WIPF3: variants seen among roughly 807,000 people sequenced by gnomAD.
WIPF3 encodes WAS/WASL-interacting protein family member 3.
WIPF3 carries 33 observed loss-of-function variants against 38.9 expected under a neutral mutation model. The ratio of observed to expected loss-of-function variants is 0.85; its 90% CI spans 0.64 to 1.14. The LOEUF (loss-of-function observed/expected upper bound fraction) is 1.14. WIPF3 is among the 50% of genes most tolerant of loss of function. The pLI, the probability that WIPF3 is intolerant of heterozygous loss-of-function variation, is 0.00. For synonymous variants in WIPF3, 324 were observed against 269.3 expected (o/e 1.20, Z -1.99); for missense variants, 711 against 652.5 (o/e 1.09, Z -0.98).
chr7:29,885,480 A>T (rs1323274480), intron 5 of WIPF3, among the ~76,000 whole-genome samples: 2 of 152,184 alleles, frequency 1.3e-5, no homozygotes, highest in African/African-American at 4.8e-5. Flanking sequence ...TTCTTGACTT[A>T]AAAATAACGC....
chr7:29,904,654 G>T (rs1786356909), intron 8 of WIPF3: 1 of 328,750 alleles, frequency 3.0e-6, no homozygotes. Context: ...ATTCTTCCTT[G>T]GTTATGATGG....
intron 2 of WIPF3, among the ~76,000 whole-genome samples, chr7:29,858,501 G>A (rs1168174167): frequency 6.6e-6 from 1 of 152,090 alleles, no homozygotes; most frequent in Non-Finnish European, 1.5e-5. Context: ...AAAAACAGTC[G>A]AGAGAAGTGA....
chr7:29,879,027 A>G lies in WIPF3; in HGVS notation c.242A>G (p.Lys81Arg), dbSNP rs1405977534. 6.2e-7 allele frequency: 1 copy of G among 1,600,702 alleles called. No individual in the cohort carries two copies. The highest frequency in any genetic ancestry group is 2.2e-5 in the East Asian group (1 of 44,626). Residue 81 changes from lysine (K) to arginine (R), a missense_variant, in exon 4 of 9, where the codon AAA (lysine) becomes AGA (arginine). Lys to Arg is a conservative substitution (Grantham distance 26). Coordinates refer to ENST00000242140, the MANE Select transcript of WIPF3 (RefSeq NM_001080529.3). Reference protein sequence around the residue: ...PQIESSKGTNKEGGGSANTRG... With the variant: ...PQIESSKGTNREGGGSANTRG... ...TCTAAAGGTTCTAAAGGAACCAACA[A>G]AGAAGGAGGAGGTTCTGCAAACACA...
At chr7:29,900,439 AGGTCCGCTGGTATGCAG>A (rs1185092785) in intron 7 of WIPF3, among the ~76,000 whole-genome samples, 2 of 152,256 alleles carry the variant, frequency 1.3e-5, no homozygotes, top group Non-Finnish European at 1.5e-5. Flanking sequence ...ACAGGAAGTG[AGGTCCGCTGGTATGCAG>A]GGTGACCTCT....
chr7:29,898,498 C>G (rs950667754), intron 7 of WIPF3, among the ~76,000 whole-genome samples: 13 of 152,306 alleles, frequency 8.5e-5, no homozygotes, highest in Admixed American at 5.9e-4. Context: ...AGTCCAGTCA[C>G]TCCCCTCCGC....
chr7:29,891,554 C>T (rs1282275684), intron 7 of WIPF3, among the ~76,000 whole-genome samples: 1 of 152,102 alleles, frequency 6.6e-6, no homozygotes, highest in African/African-American at 2.4e-5. Flanking sequence ...GAGGGAAATC[C>T]CACCCACTGA....
chr7:29,828,190 C>G (rs1784654280), intron 1 of WIPF3, among the ~76,000 whole-genome samples: 1 of 152,166 alleles, frequency 6.6e-6, no homozygotes, highest in Admixed American at 6.5e-5. Flanking sequence ...TGTACTCTCA[C>G]AGACTACTCT....
At chr7:29,846,520 G>A (rs1785003662) in intron 2 of WIPF3, among the ~76,000 whole-genome samples, 1 of 152,206 alleles carries the variant, frequency 6.6e-6, no homozygotes, top group African/African-American at 2.4e-5. Flanking sequence ...GGCCAATATG[G>A]TGAAACCCGA....
Position 29,888,230 on chromosome 7 carries a change from C to T in WIPF3, c.1249+13C>T. 3.1e-6 allele frequency: 5 copies of T among 1,598,462 alleles called. No individual in the cohort carries two copies. In the South Asian group the frequency reaches 3.4e-5, roughly 11 times the overall value. ...CTGCACATCATTGGTAAGTGGGTTGCACCCTCTGCCGGTTTGGCTGCCAGT... is the reference window on the plus strand; with the variant it reads ...CTGCACATCATTGGTAAGTGGGTTGTACCCTCTGCCGGTTTGGCTGCCAGT... On this transcript the variant is annotated intron_variant, in intron 6 of 8. Coordinates refer to ENST00000242140, the MANE Select transcript of WIPF3 (RefSeq NM_001080529.3).
intron 5 of WIPF3, 74 bp from the exon 6 acceptor site, chr7:29,887,994 A>G (rs879449299): frequency 1.1e-5 from 17 of 1,570,588 alleles, no homozygotes; most frequent in Non-Finnish European, 1.3e-5. Flanking sequence ...AGAAATGCCT[A>G]ATATCTCACA....
Position 29,913,043 on chromosome 7 carries a change from C to A in WIPF3, c.1429-1450C>A, listed in dbSNP as rs149516019. On this transcript the variant is annotated intron_variant, in intron 8 of 8. Coordinates refer to ENST00000242140, the MANE Select transcript of WIPF3 (RefSeq NM_001080529.3). Reference sequence around the variant, plus strand: ...ATGTATTTAATACCCCTAAACTATACACTTAAAAATGATTACTAGTCAGCT... The same window carrying A: ...ATGTATTTAATACCCCTAAACTATAAACTTAAAAATGATTACTAGTCAGCT... Among the ~76,000 whole-genome samples the A allele has an allele frequency of 5.7e-3, 861 of 152,264 alleles. 9 individuals are homozygous for A. The highest frequency in any genetic ancestry group is 0.019 in the African/African-American group (782 of 41,550).
intron 7 of WIPF3, among the ~76,000 whole-genome samples, chr7:29,891,789 T>C (rs190874912): frequency 6.6e-6 from 1 of 152,128 alleles, no homozygotes; most frequent in South Asian, 2.1e-4. Flanking sequence ...TCTTAATCAA[T>C]GATTGTTTAG....
intron 3 of WIPF3, among the ~76,000 whole-genome samples, chr7:29,876,604 C>T (rs1277749430): frequency 6.6e-5 from 10 of 152,172 alleles, no homozygotes; most frequent in South Asian, 2.1e-4. Flanking sequence ...GGACACACCA[C>T]GTTTTGTGTA....
intron 7 of WIPF3, among the ~76,000 whole-genome samples, chr7:29,902,859 GT>G (rs11301925): frequency 0.49 from 71,867 of 147,516 alleles, 18,682 homozygotes; most frequent in East Asian, 0.84. Flanking sequence ...AAAAGAGCGT[GT>G]TTTTTTTTTT....
Position 29,916,134 on chromosome 7 carries a change from A to G in WIPF3, c.*1618A>G, listed in dbSNP as rs538758633. Reference sequence around the variant, plus strand: ...CTCCAGGGGAATGAATCAAGCCCAAACTGTAACAGCTAAATAAGTAGAAGT... The same window carrying G: ...CTCCAGGGGAATGAATCAAGCCCAAGCTGTAACAGCTAAATAAGTAGAAGT... On this transcript the variant is annotated 3_prime_UTR_variant, in exon 9 of 9. Transcript: ENST00000242140. The G allele has an allele frequency of 1.3e-5, 2 of 152,284 alleles. No homozygotes were observed. The highest frequency in any genetic ancestry group is 1.5e-5 in the Non-Finnish European group (1 of 68,022). 9.4% of individuals were successfully genotyped at this position (152,284 alleles called of 1,614,324 possible).
chr7:29,901,056 C>T (rs981302502), intron 7 of WIPF3, among the ~76,000 whole-genome samples: 1 of 152,140 alleles, frequency 6.6e-6, no homozygotes, highest in Non-Finnish European at 1.5e-5. Flanking sequence ...GAAGAAGAGC[C>T]ATCTGTGGAC....
At chr7:29,810,385 G>A (rs1330135026) in intron 1 of WIPF3, among the ~76,000 whole-genome samples, 6 of 152,080 alleles carry the variant, frequency 3.9e-5, no homozygotes, top group Admixed American at 2.0e-4. Flanking sequence ...CATAGCACCT[G>A]CCCCATGCCT....
intron 3 of WIPF3, 121 bp downstream of exon 3, chr7:29,876,083 A>G: frequency 7.4e-7 from 1 of 1,360,468 alleles, no homozygotes; most frequent in Admixed American, 2.4e-5. Flanking sequence ...GAGCCATCTC[A>G]GACCTGCTCA....
intron 4 of WIPF3, 145 bp from the exon 5 acceptor site, chr7:29,883,705 G>T (rs1157433621): frequency 1.9e-5 from 23 of 1,191,428 alleles, no homozygotes; most frequent in Non-Finnish European, 2.4e-5. Flanking sequence ...TGTGGCACCT[G>T]AGGCCTCTCA....
Sources: allele counts gnomAD v4.1 joint callset (sites outside exome capture counted in the v4.1 genomes callset), GRCh38; gene constraint gnomAD v4.1.1; transcripts MANE v1.5; gene names NCBI Gene and HGNC (gene_info 2026-07-23, HGNC 2026-07-21).